ZNF787: variants seen among roughly 807,000 people sequenced by gnomAD.
ZNF787 encodes TTF-I-interacting peptide 20.
In ZNF787, 7 loss-of-function variants were observed where a neutral mutation model predicts 16.9. That is an observed-to-expected ratio of 0.42 (90% CI 0.24 to 0.78). ZNF787 has a LOEUF of 0.78. Ranked by LOEUF, ZNF787 falls within the 30% of genes least tolerant of loss-of-function variation. ZNF787 has a pLI of 0.30. For missense variants in ZNF787, 551 were observed against 589.3 expected, an observed-to-expected ratio of 0.94 and a Z score of 0.67; for synonymous variants, 345 against 270.9, an observed-to-expected ratio of 1.27 and a Z score of -2.69.
intron 1 of ZNF787, among the ~76,000 whole-genome samples, chr19:56,114,027 T>C (rs1454341009): frequency 6.6e-6 from 1 of 152,098 alleles, no homozygotes; most frequent in Non-Finnish European, 1.5e-5. Flanking sequence ...AATCATATCA[T>C]AATAAAACTG....
At chr19:56,090,046 C>T (rs1985512777) in intron 2 of ZNF787, among the ~76,000 whole-genome samples, 1 of 152,144 alleles carries the variant, frequency 6.6e-6, no homozygotes, top group Non-Finnish European at 1.5e-5. Flanking sequence ...CAGGTGCACC[C>T]CACAGGGTTT....
intron 2 of ZNF787, among the ~76,000 whole-genome samples, chr19:56,090,130 T>C (rs1279943599): frequency 6.6e-6 from 1 of 152,108 alleles, no homozygotes; most frequent in Non-Finnish European, 1.5e-5. Context: ...TAAGTCTCTA[T>C]CCCAACACCT....
intron 2 of ZNF787, chr19:56,102,003 T>C (rs1435987197): frequency 6.6e-6 from 1 of 152,132 alleles, no homozygotes; most frequent in Non-Finnish European, 1.5e-5. Context: ...ACCCCCATCA[T>C]AGTTTCTACC....
chr19:56,115,196 C>G (rs558656966), intron 1 of ZNF787, among the ~76,000 whole-genome samples: 3 of 152,162 alleles, frequency 2.0e-5, no homozygotes, highest in Admixed American at 2.0e-4. Context: ...CTGCGTAGAC[C>G]TTCCCTCTCG....
chr19:56,099,960 G>A (rs1226632293), intron 2 of ZNF787, among the ~76,000 whole-genome samples: 1 of 152,168 alleles, frequency 6.6e-6, no homozygotes, highest in Non-Finnish European at 1.5e-5. Context: ...CTCCCCAAGA[G>A]GCTCAGGAGG....
chr19:56,101,189 C>T (rs1599948174), intron 2 of ZNF787, among the ~76,000 whole-genome samples: 1 of 149,098 alleles, frequency 6.7e-6, no homozygotes, highest in Non-Finnish European at 1.5e-5. Context: ...CCACTCCACC[C>T]CCACCTACGA....
At chr19:56,094,323 T>C (rs1985786353) in intron 2 of ZNF787, among the ~76,000 whole-genome samples, 1 of 139,300 alleles carries the variant, frequency 7.2e-6, no homozygotes, top group African/African-American at 2.7e-5. Context: ...TGAGCCACCA[T>C]ACCTGGCTAA....
chr19:56,114,547 G>GGGCTCAGTCCTCCACCTGCCT (rs2030078117), intron 1 of ZNF787, among the ~76,000 whole-genome samples: 1 of 151,936 alleles, frequency 6.6e-6, no homozygotes, highest in African/African-American at 2.4e-5. Context: ...CTGAGGGGCC[G>GGGCTCAGTCCTCCACCTGCCT]GGCTCAGTCC....
Position 56,088,847 on chromosome 19 carries a change from G to A in ZNF787, c.325C>T (p.Leu109=), listed in dbSNP as rs1193997826. The part of the protein sequence containing the change: ...CGKTFSQSSH[L]VQHRRIHTGE... ...GTGTGGATGCGCCGGTGCTGCACCA[G>A]GTGCGAGCTCTGCGAGAAGGTCTTG... The change falls in exon 3 of 3, where the codon CTG becomes TTG. Residue 109 remains leucine (L), a synonymous_variant. Transcript: ENST00000610935. This position sits in a 1 kb window ranked among gnomAD's most constrained non-coding sequence, Gnocchi z 8.6. 6.2e-7 allele frequency: 1 copy of A among 1,610,566 alleles called. No individual in the cohort carries two copies. Among genetic ancestry groups the A allele is most frequent in the African/African-American group, 1.3e-5 (1 of 74,774 alleles).
At chr19:56,094,876 C>T (rs552574669) in intron 2 of ZNF787, among the ~76,000 whole-genome samples, 3 of 151,990 alleles carry the variant, frequency 2.0e-5, no homozygotes, top group Admixed American at 6.6e-5. Flanking sequence ...TTTGGGAGGC[C>T]GAGGCAGGCG....
At chr19:56,116,554 A>C (rs576333197) in intron 1 of ZNF787, among the ~76,000 whole-genome samples, 8 of 152,256 alleles carry the variant, frequency 5.3e-5, no homozygotes, top group African/African-American at 9.6e-5. Flanking sequence ...GCAAAATCCT[A>C]TCTCTTAAAA....
At chr19:56,117,276 G>A (rs1296868201) in intron 1 of ZNF787, among the ~76,000 whole-genome samples, 1 of 152,056 alleles carries the variant, frequency 6.6e-6, no homozygotes, top group Non-Finnish European at 1.5e-5. Context: ...GCTTTCAAAA[G>A]CGGAGTGGCT....
At chr19:56,119,676 C>T (rs1186801254) in intron 1 of ZNF787, among the ~76,000 whole-genome samples, 1 of 152,238 alleles carries the variant, frequency 6.6e-6, no homozygotes, top group Non-Finnish European at 1.5e-5. Context: ...AGTGCCTGCA[C>T]ACACTCTGGC....
intron 2 of ZNF787, among the ~76,000 whole-genome samples, chr19:56,094,042 G>C (rs1472251477): frequency 6.7e-6 from 1 of 148,658 alleles, no homozygotes; most frequent in Non-Finnish European, 1.5e-5. Context: ...TATTTATTTT[G>C]AGACGCAGTC....
rs1013568554 is a variant in ZNF787 at position 56,087,961 on chromosome 19, G to A, written c.*62C>T. 1.1e-5 allele frequency: 14 copies of A among 1,297,562 alleles called. No individual in the cohort carries two copies. The highest frequency in any genetic ancestry group is 4.4e-5 in the Admixed American group (1 of 22,984). The allele number at this position is 1,297,562 out of a possible 1,614,324, so 80.4% of individuals were successfully genotyped here. Reference sequence around the variant, plus strand: ...GCTTCTCCCTGGGTCTCTTGGTCTTGCACGTCGTCGCTCCCGCCAAGCCCG... The same window carrying A: ...GCTTCTCCCTGGGTCTCTTGGTCTTACACGTCGTCGCTCCCGCCAAGCCCG... On this transcript the variant is annotated 3_prime_UTR_variant, in exon 3 of 3. Coordinates refer to ENST00000610935, the MANE Select transcript of ZNF787 (RefSeq NM_001002836.4).
chr19:56,120,704 G>A (rs2030267165), intron 1 of ZNF787, among the ~76,000 whole-genome samples: 2 of 151,996 alleles, frequency 1.3e-5, no homozygotes, highest in Non-Finnish European at 2.9e-5. Flanking sequence ...CAGCCCAACC[G>A]CGCGGCCCCT....
rs756935897 is a variant in ZNF787 at position 56,088,189 on chromosome 19, T to G, written c.983A>C (p.Gln328Pro). 2 of 1,541,566 alleles carry G rather than the reference T, an allele frequency of 1.3e-6. No homozygotes were observed. The highest frequency in any genetic ancestry group is 1.2e-5 in the South Asian group (1 of 85,092). Residue 328 changes from glutamine (Q) to proline (P), a missense_variant, in exon 3 of 3, where the codon CAG (glutamine) becomes CCG (proline). By Grantham distance (76) the Gln-to-Pro change is moderately conservative. This residue lies in a region of ZNF787 where 392 missense variants were observed against 312.7 expected (regional missense o/e 1.25). Coordinates refer to ENST00000610935, the MANE Select transcript of ZNF787 (RefSeq NM_001002836.4). This position sits in a 1 kb window ranked among gnomAD's most constrained non-coding sequence, Gnocchi z 8.6. ...CTTGTGTCTCCGGAGCGCGGCGCCC[T>G]GCACGAAGCCCTCCCCGCACTCCAC... The part of the protein sequence containing the change: ...ICVECGEGFV[Q>P]GAALRRHKKI...
intron 1 of ZNF787, among the ~76,000 whole-genome samples, chr19:56,113,603 G>C (rs2030045035): frequency 6.6e-6 from 1 of 152,142 alleles, no homozygotes; most frequent in Non-Finnish European, 1.5e-5. Flanking sequence ...GCCCGATGCA[G>C]AACAGCACGA....
chr19:56,106,607 G>A (rs1213234326), intron 1 of ZNF787, among the ~76,000 whole-genome samples: 2 of 152,188 alleles, frequency 1.3e-5, no homozygotes, highest in Non-Finnish European at 2.9e-5. Flanking sequence ...CTCACCCCCA[G>A]GTGGGTAGGA....
Sources: allele counts gnomAD v4.1 joint callset (sites outside exome capture counted in the v4.1 genomes callset), GRCh38; gene constraint gnomAD v4.1.1; regional missense constraint gnomAD v4.1.1; non-coding constraint Gnocchi (gnomAD v3.1); transcripts MANE v1.5; gene names NCBI Gene and HGNC (gene_info 2026-07-23, HGNC 2026-07-21).